The following CAPZB variants were observed in gnomAD, a reference collection of about 807,000 sequenced individuals.
CAPZB encodes the protein capping actin protein of muscle Z-line subunit beta.
In CAPZB, 2 loss-of-function variants were observed where a neutral mutation model predicts 38.1. That is an observed-to-expected ratio of 0.05 (90% CI 0.02 to 0.17). The LOEUF (loss-of-function observed/expected upper bound fraction) is 0.17. Among genes scored for constraint, CAPZB ranks in the 10% least tolerant of loss-of-function variants. CAPZB has a pLI of 1.00. For missense variants in CAPZB, 161 were observed against 334.2 expected, an observed-to-expected ratio of 0.48 and a Z score of 4.04; for synonymous variants, 107 against 127.4, an observed-to-expected ratio of 0.84 and a Z score of 1.08.
chr1:19,447,272 CTTTTTTTTTTTTTTTTT>C lies in CAPZB; in HGVS notation c.4-27539_4-27523del, dbSNP rs35692222. ...GACATTGGGCAGCACCAGACCTAATCTTTTTTTTTTTTTTTTTTTTTTTTGAGATGGAGTCTCACTCT... is the reference window on the plus strand; with the variant it reads ...GACATTGGGCAGCACCAGACCTAATCTTTTTTTGAGATGGAGTCTCACTCT... On this transcript the variant is annotated intron_variant, in intron 1 of 8. Transcript: ENST00000264202. Among the ~76,000 whole-genome samples the C allele has an allele frequency of 8.4e-3, 630 of 74,904 alleles. 3 individuals carry two copies. Among genetic ancestry groups the C allele is most frequent in the Non-Finnish European group, 0.012 (502 of 41,922 alleles). The allele number at this position is 74,904 out of a possible 152,430, so 49.1% of individuals were successfully genotyped here.
At chr1:19,431,208 T>C (rs561613149) in intron 1 of CAPZB, among the ~76,000 whole-genome samples, 3 of 152,164 alleles carry the variant, frequency 2.0e-5, no homozygotes, top group Non-Finnish European at 4.4e-5. Flanking sequence ...AAAATCCAAA[T>C]CCCAAACTTT....
At chr1:19,410,402 T>G (rs2094352267) in intron 2 of CAPZB, among the ~76,000 whole-genome samples, 1 of 152,246 alleles carries the variant, frequency 6.6e-6, no homozygotes, top group Non-Finnish European at 1.5e-5. Flanking sequence ...ACTGAAAGTA[T>G]AGTGATATAC....
rs555760114 is a variant in CAPZB at position 19,464,949 on chromosome 1, G to T, written c.3+20487C>A. ...AGGGACTTTTTAGGGTGAGGAAACT[G>T]TTCTATAACTCGATTGTGGTGGTGG... On this transcript the variant is annotated intron_variant, in intron 1 of 8. Coordinates refer to ENST00000264202, the MANE Select transcript of CAPZB (RefSeq NM_004930.5). 4.8e-4 allele frequency among the ~76,000 whole-genome samples: 73 copies of T among 152,270 alleles called. No homozygotes were observed. The South Asian group carries it at 0.015, about 30-fold the overall frequency.
chr1:19,485,035 G>C (rs942905628), intron 1 of CAPZB, among the ~76,000 whole-genome samples: 1 of 152,136 alleles, frequency 6.6e-6, no homozygotes, highest in Non-Finnish European at 1.5e-5. Context: ...GGCCTAGCCT[G>C]GGCCGGAGAG....
At chr1:19,368,527 T>C (rs1376041116) in intron 4 of CAPZB, among the ~76,000 whole-genome samples, 1 of 134,724 alleles carries the variant, frequency 7.4e-6, no homozygotes, top group Admixed American at 7.8e-5. Context: ...GTGGAGAGAG[T>C]CCGAGTTAAA....
At chr1:19,474,134 T>C (rs2094599065) in intron 1 of CAPZB, among the ~76,000 whole-genome samples, 1 of 152,106 alleles carries the variant, frequency 6.6e-6, no homozygotes, top group Non-Finnish European at 1.5e-5. Flanking sequence ...CAGCTAGGAC[T>C]ACACGTGTGT....
At chr1:19,460,432 G>C (rs1174962886) in intron 1 of CAPZB, among the ~76,000 whole-genome samples, 18 of 151,982 alleles carry the variant, frequency 1.2e-4, no homozygotes, top group Non-Finnish European at 2.9e-5. Context: ...GCCCGCCACC[G>C]CGCCCGGCTA....
Position 19,339,103 on chromosome 1 carries a change from T to A in CAPZB, c.*427A>T. 1 of 147,680 alleles carries A rather than the reference T, an allele frequency of 6.8e-6. No homozygotes were observed. Among genetic ancestry groups the A allele is most frequent in the Non-Finnish European group, 1.4e-5 (1 of 71,452 alleles). 9.1% of individuals were successfully genotyped at this position (147,680 alleles called of 1,614,324 possible). A position where few individuals can be genotyped will look rare whatever the true frequency, so the allele number is the denominator to read the frequency against. ...AAGCAACTCCCAAACACACACGGAA[T>A]AAGATTTCCAGTTTTTCTTCTCTCT... is the stretch of plus-strand genomic sequence containing the variant. On this transcript the variant is annotated 3_prime_UTR_variant, in exon 9 of 9. Transcript: ENST00000264202.
At chr1:19,396,242 A>G (rs1212424395) in intron 2 of CAPZB, among the ~76,000 whole-genome samples, 1 of 152,156 alleles carries the variant, frequency 6.6e-6, no homozygotes, top group Non-Finnish European at 1.5e-5. Context: ...GGACTTCTGA[A>G]GCGTTGGTGG....
chr1:19,419,935 C>G (rs1252441630), intron 1 of CAPZB, 185 bp from the exon 2 acceptor site: 4 of 540,366 alleles, frequency 7.4e-6, no homozygotes, highest in Middle Eastern at 4.9e-4. Context: ...GTTTGCTCCC[C>G]TTTGACAGCA....
chr1:19,415,918 T>C (rs1256283023), intron 2 of CAPZB, among the ~76,000 whole-genome samples: 1 of 152,264 alleles, frequency 6.6e-6, no homozygotes, highest in East Asian at 1.9e-4. Flanking sequence ...ATTTCCATTT[T>C]GACATTCCTC....
chr1:19,423,563 C>T (rs57631588), intron 1 of CAPZB, among the ~76,000 whole-genome samples: 24,973 of 140,638 alleles, frequency 0.18, 2,550 homozygotes, highest in African/African-American at 0.29. Flanking sequence ...CTCACTCTGT[C>T]GCCCAGGCTG....
chr1:19,462,793 G>A (rs937399073), intron 1 of CAPZB, among the ~76,000 whole-genome samples: 2 of 152,172 alleles, frequency 1.3e-5, no homozygotes, highest in African/African-American at 4.8e-5. Context: ...CGCACTGTTC[G>A]CTAAGGCAGC....
At chr1:19,467,463 C>G (rs2094572694) in intron 1 of CAPZB, among the ~76,000 whole-genome samples, 1 of 152,162 alleles carries the variant, frequency 6.6e-6, no homozygotes, top group Admixed American at 6.5e-5. Flanking sequence ...CTCATTCTCC[C>G]TACAAACTTA....
At chr1:19,405,294 T>C (rs1197216976) in intron 2 of CAPZB, among the ~76,000 whole-genome samples, 1 of 152,088 alleles carries the variant, frequency 6.6e-6, no homozygotes, top group Non-Finnish European at 1.5e-5. Flanking sequence ...CATCATGGCA[T>C]CCCGCAGGTG....
intron 1 of CAPZB, among the ~76,000 whole-genome samples, chr1:19,425,484 A>C (rs1207291668): frequency 6.6e-6 from 1 of 152,114 alleles, no homozygotes; most frequent in Non-Finnish European, 1.5e-5. Flanking sequence ...TTAGGATGTC[A>C]AATAATAAGG....
At chr1:19,472,093 G>A (rs116453499) in intron 1 of CAPZB, among the ~76,000 whole-genome samples, 6 of 152,266 alleles carry the variant, frequency 3.9e-5, no homozygotes, top group Non-Finnish European at 5.9e-5. Context: ...AAGGACAAGG[G>A]TATTCTAGTT....
At chr1:19,446,462 G>A (rs1001554709) in intron 1 of CAPZB, among the ~76,000 whole-genome samples, 2 of 152,182 alleles carry the variant, frequency 1.3e-5, no homozygotes, top group African/African-American at 2.4e-5. Context: ...AAGGCAATCT[G>A]GAAGCCTGAA....
At chr1:19,470,101 C>A (rs2100773070) in intron 1 of CAPZB, among the ~76,000 whole-genome samples, 1 of 152,278 alleles carries the variant, frequency 6.6e-6, no homozygotes, top group African/African-American at 2.4e-5. Flanking sequence ...AATCTGCAGT[C>A]CCAGCTACTC....
Sources: allele counts gnomAD v4.1 joint callset (sites outside exome capture counted in the v4.1 genomes callset), GRCh38; gene constraint gnomAD v4.1.1; transcripts MANE v1.5; gene names NCBI Gene and HGNC (gene_info 2026-07-23, HGNC 2026-07-21).